Variants in CLVS1 observed in about 807,000 individuals in gnomAD.
The protein encoded by CLVS1 is clavesin-1.
A neutral mutation model predicts 33.1 loss-of-function variants in CLVS1; 10 were observed. The observed-to-expected ratio is 0.30, with a 90% CI of 0.19 to 0.51. The LOEUF is 0.51. CLVS1 is among the 20% of genes least tolerant of loss of function. The probability of loss-of-function intolerance (pLI) is 0.97; values close to 1 mark genes in which losing one functional copy is unlikely to be tolerated. For missense variants in CLVS1, 343 were observed against 433.4 expected (o/e 0.79, Z 1.85); for synonymous variants, 163 against 166.1 (o/e 0.98, Z 0.14).
intron 5 of CLVS1, 75 bp from the exon 6 acceptor site, chr8:61,499,380 G>C: frequency 1.0e-6 from 1 of 970,382 alleles, no homozygotes; most frequent in Non-Finnish European, 1.6e-6. Flanking sequence ...TATAAAATCC[G>C]GATGTCTTCA....
intron 5 of CLVS1, among the ~76,000 whole-genome samples, chr8:61,460,323 C>T (rs944685611): frequency 1.3e-5 from 2 of 152,066 alleles, no homozygotes; most frequent in Non-Finnish European, 2.9e-5. Context: ...TATTTTTCAG[C>T]CTAAGTTCCA....
At chr8:61,047,438 C>A in the CLVS1 span, among the ~76,000 whole-genome samples, 1 of 152,146 alleles carries the variant, frequency 6.6e-6, no homozygotes, top group Non-Finnish European at 1.5e-5. Context: ...ACCATTTGAC[C>A]CAGCCATCCC....
intron 2 of CLVS1, among the ~76,000 whole-genome samples, chr8:61,257,671 G>A (rs909754539): frequency 1.3e-5 from 2 of 152,090 alleles, no homozygotes; most frequent in African/African-American, 2.4e-5. Context: ...GCTAGAAAAA[G>A]CTGAATAATT....
In CLVS1 at chr8:61,355,412, CT is replaced by C. The variant is rs534461256; in HGVS notation, c.456-21185del. On this transcript the variant is annotated intron_variant, in intron 2 of 5. Coordinates refer to ENST00000325897, the MANE Select transcript of CLVS1 (RefSeq NM_173519.3). ...GTTTGTTTTTTACTATGGTCTTTTT[CT>C]TTTTTTTATTATTATTATACTTAAA... Among the ~76,000 whole-genome samples the C allele has an allele frequency of 5.6e-3, 856 of 151,634 alleles. 2 individuals carry two copies. The highest frequency in any genetic ancestry group is 8.8e-3 in the Non-Finnish European group (600 of 67,846).
intron 5 of CLVS1, among the ~76,000 whole-genome samples, chr8:61,476,909 A>G (rs1328743433): frequency 6.6e-6 from 1 of 152,198 alleles, no homozygotes; most frequent in African/African-American, 2.4e-5. Flanking sequence ...GTTTTTGTCC[A>G]TTGAGTATGA....
chr8:61,272,667 A>T (rs1482506371), intron 2 of CLVS1, among the ~76,000 whole-genome samples: 1 of 152,064 alleles, frequency 6.6e-6, no homozygotes, highest in East Asian at 1.9e-4. Flanking sequence ...ACGTAGTCCC[A>T]TATTTCTTGG....
At chr8:61,155,242 A>T (rs988204569) in intron 2 of CLVS1, among the ~76,000 whole-genome samples, 4 of 152,230 alleles carry the variant, frequency 2.6e-5, no homozygotes, top group African/African-American at 9.6e-5. Flanking sequence ...TAGCACCTCT[A>T]CATTGTCTTG....
intron 2 of CLVS1, among the ~76,000 whole-genome samples, chr8:61,167,193 A>ATTT (rs34299403): frequency 7.8e-6 from 1 of 128,258 alleles, no homozygotes. Context: ...GCTTCCTTTA[A>ATTT]TTTTTTTTTT....
At chr8:61,135,640 A>G (rs1240061310) in intron 2 of CLVS1, among the ~76,000 whole-genome samples, 1 of 152,082 alleles carries the variant, frequency 6.6e-6, no homozygotes, top group African/African-American at 2.4e-5. Context: ...AAGACTGGAC[A>G]CCTCACTTCT....
At chr8:61,057,521 G>C (rs1317137267) in intron 1 of CLVS1, among the ~76,000 whole-genome samples, 1 of 152,082 alleles carries the variant, frequency 6.6e-6, no homozygotes, top group Non-Finnish European at 1.5e-5. Context: ...ACTTCCACCA[G>C]TTCTCCTGAG....
At chr8:61,084,902 G>T (rs1228275133) in intron 1 of CLVS1, among the ~76,000 whole-genome samples, 2 of 152,204 alleles carry the variant, frequency 1.3e-5, no homozygotes, top group Non-Finnish European at 2.9e-5. Context: ...GAATGGGAAT[G>T]AAACTAGCCA....
upstream of CLVS1, among the ~76,000 whole-genome samples, chr8:61,056,320 G>A (rs541422000): frequency 2.0e-5 from 3 of 152,206 alleles, no homozygotes; most frequent in Admixed American, 6.5e-5. Flanking sequence ...TTGCTATTCA[G>A]TTTTGCTTCT....
intron 3 of CLVS1, among the ~76,000 whole-genome samples, chr8:61,418,002 A>C (rs1034695753): frequency 2.0e-5 from 3 of 152,212 alleles, no homozygotes; most frequent in African/African-American, 7.2e-5. Flanking sequence ...AATAAGTTGC[A>C]ATGTGCTTGT....
chr8:61,322,723 C>A (rs1811240951), intron 2 of CLVS1, among the ~76,000 whole-genome samples: 1 of 152,130 alleles, frequency 6.6e-6, no homozygotes, highest in South Asian at 2.1e-4. Context: ...TCTTCCTCAG[C>A]CTACTCTTGC....
intron 2 of CLVS1, among the ~76,000 whole-genome samples, chr8:61,311,649 A>G (rs1486014007): frequency 1.3e-5 from 2 of 152,204 alleles, no homozygotes; most frequent in African/African-American, 2.4e-5. Context: ...CCTGGAGAAC[A>G]AGGTTTTATT....
intron 2 of CLVS1, among the ~76,000 whole-genome samples, chr8:61,198,548 T>G (rs905215526): frequency 1.3e-5 from 2 of 152,100 alleles, no homozygotes; most frequent in Non-Finnish European, 2.9e-5. Context: ...CCTGTCTAAT[T>G]TTTGTATTTT....
chr8:61,117,644 C>G (rs1202134560), intron 1 of CLVS1, among the ~76,000 whole-genome samples: 6 of 151,524 alleles, frequency 4.0e-5, no homozygotes, highest in Non-Finnish European at 8.8e-5. Context: ...TGGTTTTTGT[C>G]TTTGGCTCTG....
intron 2 of CLVS1, among the ~76,000 whole-genome samples, chr8:61,251,165 G>A (rs980837905): frequency 2.0e-5 from 3 of 152,158 alleles, no homozygotes; most frequent in Non-Finnish European, 4.4e-5. Flanking sequence ...TGCATCTATT[G>A]AGATAATCAT....
intron 3 of CLVS1, among the ~76,000 whole-genome samples, chr8:61,432,344 C>T (rs191746777): frequency 2.4e-4 from 36 of 152,274 alleles, no homozygotes; most frequent in African/African-American, 7.2e-4. Context: ...TGTTGAAGCC[C>T]TAACCTTCAG....
Sources: gnomAD v4.1 joint callset for allele counts (sites outside exome capture counted in the v4.1 genomes callset) on GRCh38, gnomAD v4.1.1 for gene constraint, MANE v1.5 for transcripts, NCBI Gene and HGNC (gene_info 2026-07-23, HGNC 2026-07-21) for gene names.